MTUS1: variants seen among roughly 807,000 people sequenced by gnomAD.
The protein encoded by MTUS1 is microtubule associated scaffold protein 1.
Under a neutral mutation model 120.8 loss-of-function variants are expected in MTUS1, and 109 were observed. The observed-to-expected ratio is 0.90, with a 90% CI of 0.77 to 1.06. MTUS1 has a LOEUF of 1.06. Ranked by LOEUF, MTUS1 falls within the 50% of genes least tolerant of loss-of-function variation. MTUS1 has a pLI of 0.00. For synonymous variants in MTUS1, 737 were observed against 550.5 expected (o/e 1.34, Z -4.74); for missense variants, 2,210 against 1,486.3 (o/e 1.49, Z -8.01).
intron 2 of MTUS1, 31 bp from the exon 3 acceptor site, chr8:17,743,830 A>C: frequency 6.3e-7 from 1 of 1,589,028 alleles, no homozygotes; most frequent in Non-Finnish European, 8.6e-7. Context: ...ACTGTAAACC[A>C]AAACTAAAAT....
chr8:17,664,961 C>A (rs1422380151), intron 8 of MTUS1, among the ~76,000 whole-genome samples: 1 of 152,142 alleles, frequency 6.6e-6, no homozygotes, highest in South Asian at 2.1e-4. Flanking sequence ...ATAGGCATGT[C>A]CAGTTTCCTG....
At chr8:17,696,489 G>A (rs950254290) in intron 6 of MTUS1, among the ~76,000 whole-genome samples, 2 of 152,100 alleles carry the variant, frequency 1.3e-5, no homozygotes, top group African/African-American at 4.8e-5. Flanking sequence ...AAACACCCCA[G>A]CTAACATATT....
chr8:17,760,319 A>T (rs1350478986), intron 1 of MTUS1, among the ~76,000 whole-genome samples: 1 of 152,214 alleles, frequency 6.6e-6, no homozygotes, highest in Admixed American at 6.5e-5. Flanking sequence ...GTTTTTATAT[A>T]AAATAAATTT....
At chr8:17,777,927 A>G (rs425553) in intron 1 of MTUS1, among the ~76,000 whole-genome samples, 22,962 of 152,236 alleles carry the variant, frequency 0.15, 2,468 homozygotes, top group East Asian at 0.46. Flanking sequence ...TAAATTATGC[A>G]GTTTACAAAA....
intron 6 of MTUS1, among the ~76,000 whole-genome samples, chr8:17,706,382 A>G (rs1488262144): frequency 6.6e-6 from 1 of 152,072 alleles, no homozygotes; most frequent in Admixed American, 6.6e-5. Context: ...GAAGGTTTAA[A>G]CCAACATCCC....
intron 4 of MTUS1, among the ~76,000 whole-genome samples, chr8:17,719,895 G>T (rs971239800): frequency 1.3e-5 from 2 of 152,182 alleles, no homozygotes; most frequent in South Asian, 4.1e-4. Flanking sequence ...AAACAATGAG[G>T]CCCTGTCTTA....
intron 1 of MTUS1, among the ~76,000 whole-genome samples, chr8:17,760,284 A>T (rs191795982): frequency 2.0e-5 from 3 of 149,556 alleles, no homozygotes; most frequent in Non-Finnish European, 4.4e-5. Flanking sequence ...ACCCACAAAC[A>T]TGTGTTCATA....
At chr8:17,798,470 T>G (rs993131190) in intron 1 of MTUS1, among the ~76,000 whole-genome samples, 67 of 152,194 alleles carry the variant, frequency 4.4e-4, no homozygotes, top group African/African-American at 1.5e-3. Flanking sequence ...GTAGCTGAGA[T>G]TACAGATCCA....
rs1327076575 is a variant in MTUS1, at chr8:17,655,849, G to A, written c.3108+14C>T. Reference sequence around the variant, plus strand: ...CAGAGGCCTCAGACAAGCTCTGGCTGCAAAAGCACAGACCTGCTCTTGCAA... The same window carrying A: ...CAGAGGCCTCAGACAAGCTCTGGCTACAAAAGCACAGACCTGCTCTTGCAA... On this transcript the variant is annotated intron_variant, in intron 9 of 14. Coordinates refer to ENST00000693296, the MANE Select transcript of MTUS1 (RefSeq NM_001363059.2). 3.1e-6 allele frequency: 5 copies of A among 1,613,346 alleles called. No homozygotes were observed. Among genetic ancestry groups the A allele is most frequent in the South Asian group, 1.1e-5 (1 of 91,076 alleles).
At chr8:17,674,290 T>G (rs1812618604) in intron 8 of MTUS1, among the ~76,000 whole-genome samples, 2 of 151,892 alleles carry the variant, frequency 1.3e-5, no homozygotes, top group African/African-American at 4.8e-5. Context: ...TGTGGTGGTG[T>G]GCTCCTGTTG....
intron 5 of MTUS1, among the ~76,000 whole-genome samples, chr8:17,715,121 G>A (rs1333776829): frequency 6.6e-6 from 1 of 151,656 alleles, no homozygotes; most frequent in Admixed American, 6.6e-5. Flanking sequence ...GGCCAGGCTG[G>A]TCTCAAACTC....
chr8:17,655,648 C>A (rs1036384120), intron 9 of MTUS1, among the ~76,000 whole-genome samples: 1 of 152,168 alleles, frequency 6.6e-6, no homozygotes, highest in Middle Eastern at 3.4e-3. Flanking sequence ...CACTTGAACC[C>A]GGGAGGCAGA....
chr8:17,778,587 C>G (rs2050632616), intron 1 of MTUS1, among the ~76,000 whole-genome samples: 1 of 151,968 alleles, frequency 6.6e-6, no homozygotes, highest in African/African-American at 2.4e-5. Context: ...AGGGAGGAGG[C>G]AGGCGGATCC....
intron 4 of MTUS1, among the ~76,000 whole-genome samples, chr8:17,721,096 A>G (rs1250992980): frequency 2.0e-5 from 3 of 152,336 alleles, no homozygotes; most frequent in East Asian, 3.9e-4. Context: ...GCCACTAAAG[A>G]TATCACATCA....
At position 17,755,922 on chromosome 8, in the gene MTUS1, C is replaced by T. The variant is rs983417918; in HGVS notation, c.-115G>A. 1.2e-5 allele frequency: 18 copies of T among 1,465,338 alleles called. No homozygotes were observed. Among genetic ancestry groups the T allele is most frequent in the Non-Finnish European group, 1.4e-5 (16 of 1,115,874 alleles). The allele number at this position is 1,465,338 out of a possible 1,614,324, so 90.8% of individuals were successfully genotyped here. A position where few individuals can be genotyped will look rare whatever the true frequency, so the allele number is the denominator to read the frequency against. On this transcript the variant is annotated 5_prime_UTR_variant, in exon 2 of 15. Coordinates refer to ENST00000693296, the MANE Select transcript of MTUS1 (RefSeq NM_001363059.2). ...TTTTTCAGCACAGTTGAAAGGTTTT[C>T]AGTCTAAGATGCTCTGAAGATTAAA...
intron 7 of MTUS1, among the ~76,000 whole-genome samples, chr8:17,682,186 G>A (rs1364322265): frequency 1.3e-5 from 2 of 152,040 alleles, no homozygotes; most frequent in Non-Finnish European, 2.9e-5. Context: ...TGGATTATAG[G>A]TGAGAAACAG....
At chr8:17,654,696 AC>A (rs760662245) in intron 9 of MTUS1, 30 bp from the exon 10 acceptor site, 30 of 1,520,968 alleles carry the variant, frequency 2.0e-5, no homozygotes, top group African/African-American at 4.1e-5. Flanking sequence ...CCGTGGTTTA[AC>A]AGTAAAACCA....
At chr8:17,729,253 A>G (rs890589245) in intron 3 of MTUS1, among the ~76,000 whole-genome samples, 1 of 152,238 alleles carries the variant, frequency 6.6e-6, no homozygotes, top group East Asian at 1.9e-4. Flanking sequence ...TTAACAAGTT[A>G]TAAGAGAAAT....
At position 17,721,775 on chromosome 8, in the gene MTUS1, G is replaced by T. The variant is rs763050828; in HGVS notation, c.2449+1897C>A. ...CAAAGGCTGTACGATCCCACGACCAGCAGTGTCAATAAGGTAGCATCATAG... is the reference window on the plus strand; with the variant it reads ...CAAAGGCTGTACGATCCCACGACCATCAGTGTCAATAAGGTAGCATCATAG... On this transcript the variant is annotated intron_variant, in intron 4 of 14. Coordinates refer to ENST00000693296, the MANE Select transcript of MTUS1 (RefSeq NM_001363059.2). 1.9e-6 allele frequency: 3 copies of T among 1,614,102 alleles called. No homozygotes were observed. The South Asian group carries it at 3.3e-5, about 18-fold the overall frequency.
Sources: gnomAD v4.1 joint callset for allele counts (sites outside exome capture counted in the v4.1 genomes callset) on GRCh38, gnomAD v4.1.1 for gene constraint, MANE v1.5 for transcripts, NCBI Gene and HGNC (gene_info 2026-07-23, HGNC 2026-07-21) for gene names.